CCDC91: variants seen among roughly 807,000 people sequenced by gnomAD.
CCDC91 encodes the protein coiled-coil domain containing 91, also known as coiled-coil domain-containing protein 91.
CCDC91 carries 48 observed loss-of-function variants against 63.2 expected under a neutral mutation model. That is an observed-to-expected ratio of 0.76 (90% confidence interval 0.60 to 0.97). The LOEUF (loss-of-function observed/expected upper bound fraction) is 0.97. Among genes scored for constraint, CCDC91 ranks in the 50% least tolerant of loss-of-function variants. The pLI is 0.00. For synonymous variants in CCDC91, 167 were observed against 165.8 expected, an observed-to-expected ratio of 1.01 and a Z score of -0.06; for missense variants, 500 against 494.6, an observed-to-expected ratio of 1.01 and a Z score of -0.10.
At chr12:28,530,025 G>A (rs1592970596) in intron 12 of CCDC91, among the ~76,000 whole-genome samples, 1 of 152,166 alleles carries the variant, frequency 6.6e-6, no homozygotes, top group Non-Finnish European at 1.5e-5. Context: ...ATTAGAAACT[G>A]TGACAGATTG....
chr12:28,460,766 ATAT>A (rs767736662), intron 11 of CCDC91, among the ~76,000 whole-genome samples: 2 of 151,316 alleles, frequency 1.3e-5, no homozygotes, highest in African/African-American at 2.4e-5. Flanking sequence ...TATCAAAGGG[ATAT>A]TATATATAGA....
intron 1 of CCDC91, among the ~76,000 whole-genome samples, chr12:28,229,370 A>G (rs574741604): frequency 6.6e-6 from 1 of 152,296 alleles, no homozygotes; most frequent in South Asian, 2.1e-4. Context: ...GAAATACAGC[A>G]GAGAGCATAA....
At chr12:28,517,155 T>G (rs542930415) in intron 12 of CCDC91, among the ~76,000 whole-genome samples, 8 of 152,130 alleles carry the variant, frequency 5.3e-5, no homozygotes, top group African/African-American at 1.9e-4. Flanking sequence ...TTTCTTTGTT[T>G]TACTTCATGT....
chr12:28,196,126 A>T (rs1293179097), intron 1 of CCDC91, among the ~76,000 whole-genome samples: 2 of 151,654 alleles, frequency 1.3e-5, no homozygotes, highest in African/African-American at 4.8e-5. Context: ...AAATGAAACA[A>T]CCTTTCTACG....
At chr12:28,514,575 A>G (rs149276690) in intron 12 of CCDC91, among the ~76,000 whole-genome samples, 2,163 of 151,988 alleles carry the variant, frequency 0.014, 18 homozygotes, top group African/African-American at 0.021. Context: ...TCGTATGTCC[A>G]GAATGGTATT....
At chr12:28,299,563 C>T (rs995394162) in intron 3 of CCDC91, among the ~76,000 whole-genome samples, 3 of 151,402 alleles carry the variant, frequency 2.0e-5, no homozygotes, top group African/African-American at 4.8e-5. Flanking sequence ...GTATGTGAAA[C>T]GTTAACATGG....
At chr12:28,312,200 T>G (rs1038566176) in intron 6 of CCDC91, among the ~76,000 whole-genome samples, 3 of 151,956 alleles carry the variant, frequency 2.0e-5, no homozygotes, top group African/African-American at 7.2e-5. Context: ...TGAGTCGGTT[T>G]TTTTTGGAGG....
chr12:28,505,529 C>T (rs963910868), intron 12 of CCDC91: 1 of 151,904 alleles, frequency 6.6e-6, no homozygotes, highest in African/African-American at 2.4e-5. Context: ...GTTAAAGCAT[C>T]TGTAAAGCAA....
At chr12:28,266,411 G>A (rs1947190272) in intron 3 of CCDC91, among the ~76,000 whole-genome samples, 1 of 151,920 alleles carries the variant, frequency 6.6e-6, no homozygotes, top group Admixed American at 6.6e-5. Flanking sequence ...TCTCAGTTTA[G>A]TATTTTATTT....
intron 3 of CCDC91, among the ~76,000 whole-genome samples, chr12:28,284,010 T>G (rs1948762621): frequency 6.6e-6 from 1 of 152,190 alleles, no homozygotes; most frequent in Non-Finnish European, 1.5e-5. Context: ...CTGGTTCTTC[T>G]GAAATCAGAT....
At chr12:28,207,803 A>G (rs1342591515) in intron 1 of CCDC91, among the ~76,000 whole-genome samples, 1 of 152,216 alleles carries the variant, frequency 6.6e-6, no homozygotes, top group Admixed American at 6.5e-5. Flanking sequence ...TAAGGACTCA[A>G]TAAGGACAAG....
At chr12:28,540,527 G>C (rs568651046) in intron 12 of CCDC91, among the ~76,000 whole-genome samples, 4 of 152,254 alleles carry the variant, frequency 2.6e-5, no homozygotes, top group South Asian at 2.1e-4. Flanking sequence ...TATCTGAGAA[G>C]GCAGCGTAGT....
intron 7 of CCDC91, among the ~76,000 whole-genome samples, chr12:28,373,722 G>C (rs2138888245): frequency 6.6e-6 from 1 of 152,130 alleles, no homozygotes. Flanking sequence ...ATTTGGCTGT[G>C]TCCCCTTCCA....
At chr12:28,521,997 G>C (rs1158079810) in intron 12 of CCDC91, among the ~76,000 whole-genome samples, 5 of 152,110 alleles carry the variant, frequency 3.3e-5, no homozygotes, top group Admixed American at 3.3e-4. Context: ...GAGGATTTTT[G>C]CATCAATGTT....
At position 28,504,164 on chromosome 12, in the gene CCDC91, T is replaced by C. The variant is rs549523194; in HGVS notation, c.1215+19999T>C. On this transcript the variant is annotated intron_variant, in intron 12 of 12. Transcript: ENST00000536442. The stretch of plus-strand genomic sequence containing the variant: ...ATATTCAAAAGAATCATATTAAATT[T>C]GTAATTACAGTTTAAATGGAAGGGA... Among the ~76,000 whole-genome samples the C allele has an allele frequency of 8.6e-5, 13 of 151,986 alleles. No individual in the cohort carries two copies. In the East Asian group the frequency reaches 2.5e-3, roughly 30 times the overall value.
chr12:28,423,706 A>G (rs1021846927), intron 8 of CCDC91, among the ~76,000 whole-genome samples: 1 of 152,190 alleles, frequency 6.6e-6, no homozygotes, highest in African/African-American at 2.4e-5. Context: ...GGAGGAGCCA[A>G]ACTCAGCCAT....
chr12:28,498,785 A>G (rs761352477), intron 12 of CCDC91, among the ~76,000 whole-genome samples: 12 of 151,678 alleles, frequency 7.9e-5, no homozygotes, highest in Non-Finnish European at 1.8e-4. Context: ...ACCATCAAAT[A>G]CCTAATATAT....
chr12:28,325,515 A>G (rs898985845), intron 6 of CCDC91, among the ~76,000 whole-genome samples: 8 of 152,082 alleles, frequency 5.3e-5, no homozygotes, highest in African/African-American at 1.7e-4. Context: ...ATTATAAAGT[A>G]GAAAGTGAAT....
rs1181937675 is a variant in CCDC91 at position 28,463,453 on chromosome 12, C to T, written c.1101+10799C>T. The stretch of plus-strand genomic sequence containing the variant: ...TATTTTTTATGGAAGATGAACTGGA[C>T]AGCCTTAAATGTGATGCACAGAAGC... On this transcript the variant is annotated intron_variant, in intron 11 of 12. Coordinates refer to ENST00000536442, the MANE Select transcript of CCDC91 (RefSeq NM_018318.5). Among the ~76,000 whole-genome samples the T allele has an allele frequency of 2.6e-5, 4 of 152,168 alleles. No individual in the cohort carries two copies. The East Asian group carries it at 5.8e-4, about 22-fold the overall frequency.
Sources: allele counts gnomAD v4.1 joint callset (sites outside exome capture counted in the v4.1 genomes callset), GRCh38; gene constraint gnomAD v4.1.1; transcripts MANE v1.5; gene names NCBI Gene and HGNC (gene_info 2026-07-23, HGNC 2026-07-21).